Variants in THADA observed in about 807,000 individuals in gnomAD.
The protein encoded by THADA is tRNA (32-2'-O)-methyltransferase regulator THADA.
In THADA, 213 loss-of-function variants were observed where a neutral mutation model predicts 219.8. The observed-to-expected ratio is 0.97, with a 90% CI of 0.87 to 1.09. The LOEUF is 1.09. Ranked by LOEUF, THADA falls within the 50% of genes least tolerant of loss-of-function variation. The pLI, the probability that THADA is intolerant of heterozygous loss-of-function variation, is 0.00. For synonymous variants in THADA, 1,018 were observed against 828.9 expected, an observed-to-expected ratio of 1.23 and a Z score of -3.92; for missense variants, 2,956 against 2,311.3, an observed-to-expected ratio of 1.28 and a Z score of -5.72.
intron 26 of THADA, among the ~76,000 whole-genome samples, chr2:43,470,691 TATTCTCC>T (rs1417721210): frequency 6.6e-6 from 1 of 152,242 alleles, no homozygotes; most frequent in Non-Finnish European, 1.5e-5. Flanking sequence ...AACTTTTTCA[TATTCTCC>T]ATTATTTTAA....
intron 21 of THADA, among the ~76,000 whole-genome samples, chr2:43,539,795 G>A (rs1389158113): frequency 6.6e-6 from 1 of 151,700 alleles, no homozygotes; most frequent in Non-Finnish European, 1.5e-5. Flanking sequence ...GTCTTTTTGT[G>A]ATAATTGTTT....
At chr2:43,365,765 T>G (rs1405243132) in intron 29 of THADA, among the ~76,000 whole-genome samples, 1 of 152,064 alleles carries the variant, frequency 6.6e-6, no homozygotes, top group African/African-American at 2.4e-5. Flanking sequence ...GATCCCCAGG[T>G]TCCTCTTGAG....
chr2:43,426,840 A>T (rs1678507752), intron 28 of THADA, among the ~76,000 whole-genome samples: 1 of 152,210 alleles, frequency 6.6e-6, no homozygotes, highest in Non-Finnish European at 1.5e-5. Context: ...AAACACAAAA[A>T]TGAAGGTACT....
At chr2:43,489,010 TTTA>T (rs1558843577) in intron 25 of THADA, among the ~76,000 whole-genome samples, 1 of 152,198 alleles carries the variant, frequency 6.6e-6, no homozygotes, top group African/African-American at 2.4e-5. Flanking sequence ...TGGGTTGTCG[TTTA>T]TTATTGAGTT....
intron 26 of THADA, among the ~76,000 whole-genome samples, chr2:43,484,867 G>T (rs908087148): frequency 6.7e-6 from 1 of 148,386 alleles, no homozygotes; most frequent in Non-Finnish European, 1.5e-5. Flanking sequence ...TAAAATTAAA[G>T]ATATTATACA....
At chr2:43,335,597 C>T (rs992031109) in intron 30 of THADA, among the ~76,000 whole-genome samples, 3 of 152,142 alleles carry the variant, frequency 2.0e-5, no homozygotes, top group Non-Finnish European at 4.4e-5. Flanking sequence ...GCCTGGCATA[C>T]AGCAGGGCTC....
intron 36 of THADA, 131 bp from the exon 37 acceptor site, chr2:43,233,013 A>T: frequency 1.1e-6 from 1 of 937,746 alleles, no homozygotes; most frequent in Non-Finnish European, 1.6e-6. Flanking sequence ...GGAAGCTGGT[A>T]GGGTGGGCTC....
intron 26 of THADA, among the ~76,000 whole-genome samples, chr2:43,441,490 G>A (rs907491297): frequency 6.6e-6 from 1 of 152,164 alleles, no homozygotes; most frequent in Non-Finnish European, 1.5e-5. Flanking sequence ...GTAGAGGGTA[G>A]GAGAACCAGA....
intron 35 of THADA, among the ~76,000 whole-genome samples, chr2:43,280,815 G>C (rs1317871434): frequency 6.6e-6 from 1 of 152,160 alleles, no homozygotes; most frequent in Non-Finnish European, 1.5e-5. Context: ...AATAATAAAA[G>C]ATAGTATCTT....
intron 26 of THADA, among the ~76,000 whole-genome samples, chr2:43,464,109 CT>C (rs1368944662): frequency 6.6e-6 from 1 of 152,112 alleles, no homozygotes; most frequent in Non-Finnish European, 1.5e-5. Context: ...AATAAATCCA[CT>C]TTTGTATGCA....
chr2:43,252,585 T>G (rs1372926084), intron 36 of THADA, among the ~76,000 whole-genome samples: 1 of 152,100 alleles, frequency 6.6e-6, no homozygotes, highest in Non-Finnish European at 1.5e-5. Flanking sequence ...CTGTTTAACC[T>G]TCTACCTTTT....
At chr2:43,521,426 T>C (rs1448156323) in intron 22 of THADA, among the ~76,000 whole-genome samples, 1 of 152,138 alleles carries the variant, frequency 6.6e-6, no homozygotes, top group Non-Finnish European at 1.5e-5. Context: ...CATATTGGTT[T>C]GCTCTTGTAA....
chr2:43,297,826 G>A (rs1231272839), intron 31 of THADA, among the ~76,000 whole-genome samples: 3 of 125,052 alleles, frequency 2.4e-5, no homozygotes, highest in East Asian at 4.4e-4. Context: ...GGAGGTGGGG[G>A]GGGATCAGCC....
At chr2:43,512,216 C>G (rs1432986353) in intron 22 of THADA, among the ~76,000 whole-genome samples, 1 of 152,188 alleles carries the variant, frequency 6.6e-6, no homozygotes, top group Non-Finnish European at 1.5e-5. Flanking sequence ...CAGCTCCTAC[C>G]ATCTAGTCCA....
intron 26 of THADA, among the ~76,000 whole-genome samples, chr2:43,468,969 T>C (rs1443882065): frequency 6.6e-6 from 1 of 152,210 alleles, no homozygotes; most frequent in South Asian, 2.1e-4. Context: ...TATCTCAAGA[T>C]GCATTTTTAA....
intron 36 of THADA, among the ~76,000 whole-genome samples, chr2:43,261,523 C>T (rs563534862): frequency 3.9e-5 from 6 of 152,046 alleles, no homozygotes; most frequent in African/African-American, 1.2e-4. Context: ...TGCAATGGCA[C>T]GATCTTGGCT....
intron 19 of THADA, among the ~76,000 whole-genome samples, chr2:43,549,815 T>C (rs1380970583): frequency 6.6e-6 from 1 of 151,838 alleles, no homozygotes; most frequent in Non-Finnish European, 1.5e-5. Flanking sequence ...TAAATAAATA[T>C]AAAAAATAGA....
intron 22 of THADA, among the ~76,000 whole-genome samples, chr2:43,516,885 C>T (rs1007264328): frequency 7.9e-5 from 12 of 152,018 alleles, no homozygotes; most frequent in Non-Finnish European, 1.8e-4. Context: ...AAAATAGAAC[C>T]GCAGAATAAA....
At chr2:43,389,695 T>C (rs1046615587) in intron 29 of THADA, among the ~76,000 whole-genome samples, 1 of 152,118 alleles carries the variant, frequency 6.6e-6, no homozygotes, top group Non-Finnish European at 1.5e-5. Context: ...CTGCAAACAC[T>C]TTCTGATGCC....
Sources: allele counts gnomAD v4.1 joint callset (sites outside exome capture counted in the v4.1 genomes callset), GRCh38; gene constraint gnomAD v4.1.1; transcripts MANE v1.5; gene names NCBI Gene and HGNC (gene_info 2026-07-23, HGNC 2026-07-21).